MCAT: variants seen among roughly 807,000 people sequenced by gnomAD.
MCAT encodes the protein malonyl-CoA-acyl carrier protein transacylase, mitochondrial.
A neutral mutation model predicts 22.9 loss-of-function variants in MCAT; 22 were observed. That is an observed-to-expected ratio of 0.96 (90% CI 0.69 to 1.37). MCAT has a LOEUF of 1.37. MCAT is among the 40% of genes most tolerant of loss of function. The probability of loss-of-function intolerance (pLI) is 0.00; values close to 1 mark genes in which losing one functional copy is unlikely to be tolerated. For missense variants in MCAT, 534 were observed against 533.6 expected, an observed-to-expected ratio of 1.00 and a Z score of -0.01; for synonymous variants, 240 against 233.9, an observed-to-expected ratio of 1.03 and a Z score of -0.24.
At chr22:43,135,076 T>C (rs1419662483) in intron 3 of MCAT, among the ~76,000 whole-genome samples, 1 of 152,238 alleles carries the variant, frequency 6.6e-6, no homozygotes, top group Non-Finnish European at 1.5e-5. Flanking sequence ...TCCTCTCCAA[T>C]GGCCAGTCCT....
intron 2 of MCAT, among the ~76,000 whole-genome samples, chr22:43,139,830 G>A (rs1386288816): frequency 6.6e-6 from 1 of 152,032 alleles, no homozygotes; most frequent in Non-Finnish European, 1.5e-5. Context: ...ACCCACCTTG[G>A]CCTCCCAAAG....
chr22:43,138,229 C>T (rs1930675022), intron 2 of MCAT, among the ~76,000 whole-genome samples: 1 of 152,126 alleles, frequency 6.6e-6, no homozygotes, highest in Non-Finnish European at 1.5e-5. Flanking sequence ...AAGACCCTGT[C>T]TCAAAACAAG....
rs371504609 is a variant in MCAT, at chr22:43,134,616, T to C, written c.730-1130A>G. Among the ~76,000 whole-genome samples, 17 of 152,318 alleles carry C rather than the reference T, an allele frequency of 1.1e-4. 1 individual carries two copies. Among genetic ancestry groups the C allele is most frequent in the African/African-American group, 4.1e-4 (17 of 41,578 alleles). On this transcript the variant is annotated intron_variant, in intron 3 of 3. Coordinates refer to ENST00000290429, the MANE Select transcript of MCAT (RefSeq NM_173467.5). ...TAGTCTGTCAGTGTTCCCTAGAGAC[T>C]GTTCCTGTTGCCTGAGTCCTGGGCT...
intron 2 of MCAT, among the ~76,000 whole-genome samples, chr22:43,140,337 G>A (rs1311237786): frequency 1.3e-5 from 2 of 152,078 alleles, no homozygotes; most frequent in Non-Finnish European, 2.9e-5. Flanking sequence ...ACTAAGTGCA[G>A]CTAATTTTGT....
intron 1 of MCAT, among the ~76,000 whole-genome samples, chr22:43,141,576 CT>C (rs570380764): frequency 0.046 from 6,781 of 147,118 alleles, 204 homozygotes; most frequent in Middle Eastern, 0.07. Context: ...AAGAGCATGA[CT>C]TTTTTTTTTT....
chr22:43,138,254 A>G (rs1375396893), intron 2 of MCAT, among the ~76,000 whole-genome samples: 2 of 152,112 alleles, frequency 1.3e-5, no homozygotes, highest in Non-Finnish European at 2.9e-5. Context: ...ACAAAAAAGA[A>G]CCATCAGAGA....
At chr22:43,136,178 A>G (rs940355500) in intron 3 of MCAT, among the ~76,000 whole-genome samples, 3 of 152,244 alleles carry the variant, frequency 2.0e-5, no homozygotes, top group Non-Finnish European at 4.4e-5. Flanking sequence ...CAGGAGGTCC[A>G]GGCTGCAGTG....
At chr22:43,135,584 G>A (rs1930585582) in intron 3 of MCAT, among the ~76,000 whole-genome samples, 1 of 151,654 alleles carries the variant, frequency 6.6e-6, no homozygotes, top group South Asian at 2.1e-4. Context: ...CTGTCTGGGA[G>A]CCTACTGGGG....
At chr22:43,134,518 T>G (rs1930549052) in intron 3 of MCAT, among the ~76,000 whole-genome samples, 1 of 152,106 alleles carries the variant, frequency 6.6e-6, no homozygotes, top group African/African-American at 2.4e-5. Context: ...TGGCTAAGTT[T>G]TAGTAGAGAT....
At chr22:43,133,773 ACTAT>A (rs1221073274) in intron 3 of MCAT, among the ~76,000 whole-genome samples, 4 of 151,962 alleles carry the variant, frequency 2.6e-5, no homozygotes, top group African/African-American at 4.8e-5. Flanking sequence ...AGGAAAACGC[ACTAT>A]CTAAGAAGTG....
In MCAT at chr22:43,143,369, G is replaced by A. The variant is rs781031229; in HGVS notation, c.-21C>T. 12 of 1,348,472 alleles carry A rather than the reference G, an allele frequency of 8.9e-6. No individual in the cohort carries two copies. In the East Asian group the frequency reaches 1.6e-4, roughly 17 times the overall value. 83.5% of individuals were successfully genotyped at this position (1,348,472 alleles called of 1,614,324 possible). A position where few individuals can be genotyped will look rare whatever the true frequency, so the allele number is the denominator to read the frequency against. ...CTCATGGTCGGACACCTGCCCGCGC[G>A]CGTTACCGTGGCGACCGAGGCCCGA... On this transcript the variant is annotated 5_prime_UTR_variant, in exon 1 of 4. Coordinates refer to ENST00000290429, the MANE Select transcript of MCAT (RefSeq NM_173467.5).
intron 1 of MCAT, among the ~76,000 whole-genome samples, chr22:43,142,477 ACT>A (rs1189504148): frequency 1.3e-5 from 2 of 149,426 alleles, no homozygotes; most frequent in Non-Finnish European, 3.0e-5. Flanking sequence ...ACAGAGCAAG[ACT>A]CTGTCTCAAA....
At chr22:43,136,592 T>C (rs1393791599) in intron 3 of MCAT, among the ~76,000 whole-genome samples, 1 of 152,204 alleles carries the variant, frequency 6.6e-6, no homozygotes, top group African/African-American at 2.4e-5. Context: ...GCAGGAACCC[T>C]GGCTAATCAG....
intron 1 of MCAT, 25 bp from the exon 2 acceptor site, chr22:43,141,274 A>AG: frequency 6.3e-7 from 1 of 1,593,042 alleles, no homozygotes; most frequent in Non-Finnish European, 8.6e-7. Context: ...GCAGAACGTG[A>AG]GCCCTCACTC....
chr22:43,141,547 A>T (rs1342888531), intron 1 of MCAT, among the ~76,000 whole-genome samples: 1 of 150,990 alleles, frequency 6.6e-6, no homozygotes, highest in Non-Finnish European at 1.5e-5. Flanking sequence ...CTCTCAGGCC[A>T]TATCGTTGTG....
chr22:43,140,024 C>T (rs1296832941), intron 2 of MCAT, among the ~76,000 whole-genome samples: 1 of 152,100 alleles, frequency 6.6e-6, no homozygotes, highest in Non-Finnish European at 1.5e-5. Context: ...ATATAATTAA[C>T]CACTTTAATG....
At chr22:43,137,767 G>A (rs1280276646) in intron 2 of MCAT, among the ~76,000 whole-genome samples, 3 of 150,218 alleles carry the variant, frequency 2.0e-5, no homozygotes, top group Admixed American at 6.6e-5. Flanking sequence ...TGCCACTATT[G>A]AGAAACCCTG....
Position 43,133,491 on chromosome 22 carries a change from G to A in MCAT, c.730-5C>T, listed in dbSNP as rs2147031655. The A allele has an allele frequency of 6.3e-7, 1 of 1,599,228 alleles. No homozygotes were observed. The highest frequency in any genetic ancestry group is 8.5e-7 in the Non-Finnish European group (1 of 1,172,548). ...CTTCTGGAGAAACCGTAGAGCCTGG[G>A]GAAGGAAGGAGGTTTCAGCCGAGCA... On this transcript the variant is annotated splice_region_variant and splice_polypyrimidine_tract_variant and intron_variant, in intron 3 of 3. Transcript: ENST00000290429.
chr22:43,133,261 G>A lies in MCAT; in HGVS notation c.955C>T (p.Gln319Ter), dbSNP rs1930504791. ...PGHIHKLLAQ[Q>*]LVSPVKWEQT... ...TCCCACTTCACTGGGGAGACCAGCTGCTGGGCCAGCAGCTTGTGGATGTGC... is the reference window on the plus strand; with the variant it reads ...TCCCACTTCACTGGGGAGACCAGCTACTGGGCCAGCAGCTTGTGGATGTGC... Residue 319 changes from glutamine to a stop codon, truncating the protein, a stop_gained, in exon 4 of 4, where the codon CAG becomes TAG. Coordinates refer to ENST00000290429, the MANE Select transcript of MCAT (RefSeq NM_173467.5). LOFTEE classifies it low-confidence loss of function (END_TRUNC). 1 of 1,614,252 alleles carries A rather than the reference G, an allele frequency of 6.2e-7. No individual in the cohort carries two copies. The highest frequency in any genetic ancestry group is 1.7e-5 in the Admixed American group (1 of 60,034).
Sources: gnomAD v4.1 joint callset for allele counts (sites outside exome capture counted in the v4.1 genomes callset) on GRCh38, gnomAD v4.1.1 for gene constraint, MANE v1.5 for transcripts, NCBI Gene and HGNC (gene_info 2026-07-23, HGNC 2026-07-21) for gene names.